TMTC2: variants seen among roughly 807,000 people sequenced by gnomAD.
The protein encoded by TMTC2 is transmembrane O-mannosyltransferase targeting cadherins 2, also known as protein O-mannosyl-transferase TMTC2.
TMTC2 carries 43 observed loss-of-function variants against 82.4 expected under a neutral mutation model. That is an observed-to-expected ratio of 0.52 (90% CI 0.41 to 0.67). The LOEUF (loss-of-function observed/expected upper bound fraction) is 0.67. Ranked by LOEUF, TMTC2 falls within the 30% of genes least tolerant of loss-of-function variation. The pLI, the probability that TMTC2 is intolerant of heterozygous loss-of-function variation, is 0.00. For synonymous variants in TMTC2, 408 were observed against 381.9 expected (o/e 1.07, Z -0.80); for missense variants, 919 against 1,012.4 (o/e 0.91, Z 1.25).
At chr12:82,704,268 T>A (rs1391505321) in intron 1 of TMTC2, among the ~76,000 whole-genome samples, 1 of 152,216 alleles carries the variant, frequency 6.6e-6, no homozygotes, top group East Asian at 1.9e-4. Flanking sequence ...TCATTATTTA[T>A]GAAAACTGGT....
intron 1 of TMTC2, among the ~76,000 whole-genome samples, chr12:82,813,964 A>C (rs955721094): frequency 6.6e-6 from 1 of 152,138 alleles, no homozygotes; most frequent in African/African-American, 2.4e-5. Context: ...ATAATAATGA[A>C]GATGATAATG....
intron 1 of TMTC2, chr12:82,759,612 A>G (rs1463296093): frequency 6.6e-6 from 1 of 152,196 alleles, no homozygotes; most frequent in Non-Finnish European, 1.5e-5. Context: ...GTTACCTTAT[A>G]AACTTTTAAT....
chr12:82,985,956 C>T lies in TMTC2; in HGVS notation c.1980C>T (p.Pro660=), dbSNP rs148211417. 38 of 1,613,734 alleles carry T rather than the reference C, an allele frequency of 2.4e-5. No homozygotes were observed. Among genetic ancestry groups the T allele is most frequent in the South Asian group, 1.8e-4 (16 of 91,076 alleles). Residue 660 remains proline, a synonymous_variant, in exon 8 of 12, where the codon CCC becomes CCT. Transcript: ENST00000321196. Reference sequence around the variant, plus strand: ...CATATATGCGTTTAAGCAAACTCCCCGAAGCAGAGCATTGGTATATGGAAT... The same window carrying T: ...CATATATGCGTTTAAGCAAACTCCCTGAAGCAGAGCATTGGTATATGGAAT... ...GEAYMRLSKL[P]EAEHWYMESL... is the part of the protein sequence containing the mutation.
At chr12:83,056,342 T>C (rs887429007) in intron 10 of TMTC2, among the ~76,000 whole-genome samples, 4 of 151,864 alleles carry the variant, frequency 2.6e-5, no homozygotes, top group African/African-American at 9.7e-5. Context: ...TCCCCAAAGG[T>C]AGTAAAAATA....
In TMTC2 at chr12:82,976,850, G is replaced by T. The variant is rs149946814; in HGVS notation, c.1949-9075G>T. On this transcript the variant is annotated intron_variant, in intron 7 of 11. Transcript: ENST00000321196. ...TCGGACTGCAGGTTCTAGAAAAAAAGAATTATCTGGAAATTTCTCTTCAAG... is the reference window on the plus strand; with the variant it reads ...TCGGACTGCAGGTTCTAGAAAAAAATAATTATCTGGAAATTTCTCTTCAAG... Among the ~76,000 whole-genome samples, 368 of 151,900 alleles carry T rather than the reference G, an allele frequency of 2.4e-3. 2 individuals carry two copies. Among genetic ancestry groups the T allele is most frequent in the South Asian group, 5.8e-3 (28 of 4,828 alleles).
chr12:82,915,042 C>T lies in TMTC2; in HGVS notation c.1484-15389C>T, dbSNP rs11834438. On this transcript the variant is annotated intron_variant, in intron 3 of 11. Transcript: ENST00000321196. ...GTTTCTCCATGTTGGTCAGGCTGGT[C>T]TCGAACTCCTGACCTCAGGTGGTCT... 1.1e-3 allele frequency among the ~76,000 whole-genome samples: 170 copies of T among 152,090 alleles called. 1 individual carries two copies. Among genetic ancestry groups the T allele is most frequent in the African/African-American group, 3.9e-3 (161 of 41,506 alleles).
chr12:82,728,780 T>G (rs1592879613), intron 1 of TMTC2, among the ~76,000 whole-genome samples: 1 of 152,150 alleles, frequency 6.6e-6, no homozygotes, highest in African/African-American at 2.4e-5. Flanking sequence ...GGCAGAGGCG[T>G]GGGCAGGAAC....
intron 2 of TMTC2, among the ~76,000 whole-genome samples, chr12:82,875,629 A>G (rs536462637): frequency 1.6e-3 from 248 of 152,276 alleles, no homozygotes; most frequent in Non-Finnish European, 3.2e-3. Flanking sequence ...ATTCATTCAA[A>G]ATAATCAGAC....
intron 1 of TMTC2, among the ~76,000 whole-genome samples, chr12:82,806,871 C>T (rs1879269575): frequency 6.6e-6 from 1 of 152,106 alleles, no homozygotes; most frequent in African/African-American, 2.4e-5. Flanking sequence ...AGTGGATCCA[C>T]ACTGTTAAAA....
At chr12:82,821,699 C>T (rs1869119570) in intron 1 of TMTC2, among the ~76,000 whole-genome samples, 1 of 151,852 alleles carries the variant, frequency 6.6e-6, no homozygotes, top group Non-Finnish European at 1.5e-5. Context: ...GGTGAAACCC[C>T]ATCTCTACTA....
chr12:82,874,272 C>G (rs1872366867), intron 2 of TMTC2, among the ~76,000 whole-genome samples: 1 of 152,206 alleles, frequency 6.6e-6, no homozygotes, highest in South Asian at 2.1e-4. Context: ...GGTTTTGCCA[C>G]TACCTAGTTG....
intron 1 of TMTC2, among the ~76,000 whole-genome samples, chr12:82,846,098 C>T (rs1408489334): frequency 6.6e-6 from 1 of 151,976 alleles, no homozygotes; most frequent in African/African-American, 2.4e-5. Flanking sequence ...ATGGCTCACG[C>T]CTGTAATCCC....
intron 11 of TMTC2, among the ~76,000 whole-genome samples, chr12:83,066,025 AAGACTGTG>A (rs1882904361): frequency 6.6e-6 from 1 of 152,018 alleles, no homozygotes; most frequent in Admixed American, 6.6e-5. Context: ...AGCTTTATGT[AAGACTGTG>A]CCAAATGTAG....
chr12:82,828,378 T>A (rs2137073118), intron 1 of TMTC2, among the ~76,000 whole-genome samples: 1 of 152,152 alleles, frequency 6.6e-6, no homozygotes, highest in South Asian at 2.1e-4. Context: ...CATTCCCGGC[T>A]ATGTAGAGAT....
chr12:83,005,986 A>C (rs564096685), intron 8 of TMTC2, among the ~76,000 whole-genome samples: 16 of 151,154 alleles, frequency 1.1e-4, no homozygotes, highest in African/African-American at 3.6e-4. Context: ...CCATGCAAAA[A>C]CCCCCTGGGC....
At chr12:82,813,924 T>C (rs904661389) in intron 1 of TMTC2, among the ~76,000 whole-genome samples, 2 of 151,982 alleles carry the variant, frequency 1.3e-5, no homozygotes, top group African/African-American at 4.8e-5. Flanking sequence ...TTTAATGTTA[T>C]GTTTATGATA....
intron 1 of TMTC2, among the ~76,000 whole-genome samples, chr12:82,777,250 T>C (rs10862506): frequency 0.13 from 20,305 of 152,122 alleles, 1,528 homozygotes; most frequent in Middle Eastern, 0.2. Flanking sequence ...AGTAGAATAG[T>C]GGGCATGAAC....
In TMTC2 at chr12:82,954,593, C is replaced by A. The variant is rs540450426; in HGVS notation, c.1599-10431C>A. Among the ~76,000 whole-genome samples the A allele has an allele frequency of 7.9e-5, 12 of 152,322 alleles. No homozygotes were observed. In the South Asian group the frequency reaches 2.5e-3, roughly 32 times the overall value. On this transcript the variant is annotated intron_variant, in intron 4 of 11. Transcript: ENST00000321196. ...ATGTGATTCCATGTTAAGCAGAATCCTGTTTCCCTTGCGTGTTGCAGGGAC... is the reference window on the plus strand; with the variant it reads ...ATGTGATTCCATGTTAAGCAGAATCATGTTTCCCTTGCGTGTTGCAGGGAC...
intron 8 of TMTC2, among the ~76,000 whole-genome samples, chr12:82,996,870 C>T (rs372251533): frequency 1.9e-4 from 29 of 152,072 alleles, no homozygotes; most frequent in African/African-American, 6.3e-4. Flanking sequence ...GACTTTCTGT[C>T]TGCTTGAATC....
Sources: gnomAD v4.1 joint callset for allele counts (sites outside exome capture counted in the v4.1 genomes callset) on GRCh38, gnomAD v4.1.1 for gene constraint, MANE v1.5 for transcripts, NCBI Gene and HGNC (gene_info 2026-07-23, HGNC 2026-07-21) for gene names.